NKAIN2: variants seen among roughly 807,000 people sequenced by gnomAD.
The protein encoded by NKAIN2 is sodium/potassium-transporting ATPase subunit beta-1-interacting protein 2.
NKAIN2 carries 14 observed loss-of-function variants against 32.6 expected under a neutral mutation model. The observed-to-expected ratio is 0.43, with a 90% CI of 0.28 to 0.67. The LOEUF is 0.67. Ranked by LOEUF, NKAIN2 falls within the 30% of genes least tolerant of loss-of-function variation. The probability of loss-of-function intolerance (pLI) is 0.17; values close to 1 mark genes in which losing one functional copy is unlikely to be tolerated. For missense variants in NKAIN2, 198 were observed against 258.3 expected, an observed-to-expected ratio of 0.77 and a Z score of 1.60; for synonymous variants, 80 against 87.2, an observed-to-expected ratio of 0.92 and a Z score of 0.46.
intron 3 of NKAIN2, among the ~76,000 whole-genome samples, chr6:124,388,324 C>T (rs1318441633): frequency 6.6e-6 from 1 of 151,078 alleles, no homozygotes; most frequent in Non-Finnish European, 1.5e-5. Flanking sequence ...AGGCTAGAAA[C>T]CTCTACGGTG....
intron 1 of NKAIN2, among the ~76,000 whole-genome samples, chr6:124,003,109 A>G (rs1779942948): frequency 6.6e-6 from 1 of 152,212 alleles, no homozygotes; most frequent in Non-Finnish European, 1.5e-5. Context: ...CTCTTTACAG[A>G]TACGATGTTT....
intron 4 of NKAIN2, among the ~76,000 whole-genome samples, chr6:124,749,646 G>A (rs1387550475): frequency 6.6e-6 from 1 of 151,730 alleles, no homozygotes; most frequent in Non-Finnish European, 1.5e-5. Flanking sequence ...TGTTCATCTG[G>A]TCCTTTGGAT....
At chr6:124,545,779 A>T (rs557549978) in intron 3 of NKAIN2, among the ~76,000 whole-genome samples, 1 of 152,178 alleles carries the variant, frequency 6.6e-6, no homozygotes, top group African/African-American at 2.4e-5. Flanking sequence ...AAATGATGGT[A>T]ATATAATTGG....
chr6:123,900,181 T>G (rs1402923431), intron 1 of NKAIN2, among the ~76,000 whole-genome samples: 1 of 152,038 alleles, frequency 6.6e-6, no homozygotes, highest in Non-Finnish European at 1.5e-5. Flanking sequence ...TCTTACACGA[T>G]GAAAAACAGG....
At chr6:123,948,159 C>T (rs142834022) in intron 1 of NKAIN2, among the ~76,000 whole-genome samples, 1,532 of 152,068 alleles carry the variant, frequency 0.01, 18 homozygotes, top group Middle Eastern at 0.017. Context: ...TTTCTTTATC[C>T]ATTTGTCTAT....
chr6:124,457,123 A>C (rs1045787738), intron 3 of NKAIN2, among the ~76,000 whole-genome samples: 14 of 151,946 alleles, frequency 9.2e-5, no homozygotes, highest in Non-Finnish European at 1.8e-4. Context: ...GTAGGGCTAC[A>C]TACTGGTTGG....
At chr6:124,734,347 C>A (rs565415502) in intron 4 of NKAIN2, among the ~76,000 whole-genome samples, 29 of 151,820 alleles carry the variant, frequency 1.9e-4, no homozygotes, top group Non-Finnish European at 3.8e-4. Flanking sequence ...GGACTGGGAT[C>A]TTGCCTTCAG....
chr6:124,078,786 T>TTG (rs71021477), intron 1 of NKAIN2, among the ~76,000 whole-genome samples: 11,718 of 144,646 alleles, frequency 0.081, 531 homozygotes, highest in East Asian at 0.23. Context: ...TATGTCGTTT[T>TTG]TGTGTGTGTG....
intron 1 of NKAIN2, among the ~76,000 whole-genome samples, chr6:124,186,725 G>A (rs1251159253): frequency 6.6e-6 from 1 of 152,040 alleles, no homozygotes; most frequent in Non-Finnish European, 1.5e-5. Flanking sequence ...AAATTAATAT[G>A]CCTACTGTGG....
At chr6:123,829,226 A>G (rs1002270258) in intron 1 of NKAIN2, 5 of 152,102 alleles carry the variant, frequency 3.3e-5, no homozygotes, top group Non-Finnish European at 5.9e-5. Context: ...GTCCATACTA[A>G]CATTTTTTTA....
At chr6:124,258,443 G>T (rs1372546487) in intron 1 of NKAIN2, among the ~76,000 whole-genome samples, 1 of 152,162 alleles carries the variant, frequency 6.6e-6, no homozygotes, top group Non-Finnish European at 1.5e-5. Flanking sequence ...CTTGTAAAAA[G>T]ATTTATTTTC....
At chr6:124,807,001 G>T (rs1189629763) in intron 5 of NKAIN2, among the ~76,000 whole-genome samples, 1 of 152,100 alleles carries the variant, frequency 6.6e-6, no homozygotes, top group Non-Finnish European at 1.5e-5. Context: ...AGTCCTGAGT[G>T]ACCTACAAAG....
intron 1 of NKAIN2, among the ~76,000 whole-genome samples, chr6:123,804,487 C>T (rs1773131960): frequency 6.6e-6 from 1 of 152,028 alleles, no homozygotes; most frequent in South Asian, 2.1e-4. Context: ...TTGGCAGGTG[C>T]GGGTTAAACT....
chr6:124,182,534 T>C (rs533825888), intron 1 of NKAIN2, among the ~76,000 whole-genome samples: 1 of 152,326 alleles, frequency 6.6e-6, no homozygotes, highest in East Asian at 1.9e-4. Flanking sequence ...GTTGGATTGA[T>C]TTTTTAATGC....
rs1773108325 is a variant in NKAIN2 at position 123,804,079 on chromosome 6, G to GCCCGGAGC, written c.-118_-111dup. ...TCCCAGGACGCTGGCAGCAGCAGCAGCCCGGAGCCCCCGAGCCCTCGGCAG... is the reference window on the plus strand; with the variant it reads ...TCCCAGGACGCTGGCAGCAGCAGCAGCCCGGAGCCCCGGAGCCCCCGAGCCCTCGGCAG... On this transcript the variant is annotated 5_prime_UTR_variant, in exon 1 of 7. It removes the in-frame stop codon of an upstream open reading frame in the 5' UTR. Transcript: ENST00000368417. 2.2e-6 allele frequency: 2 copies of GCCCGGAGC among 891,374 alleles called. No homozygotes were observed. Among genetic ancestry groups the GCCCGGAGC allele is most frequent in the East Asian group, 2.4e-5 (1 of 41,564 alleles). The allele number at this position is 891,374 out of a possible 1,614,324, so 55.2% of individuals were successfully genotyped here.
At chr6:124,032,749 T>A (rs182576636) in intron 1 of NKAIN2, among the ~76,000 whole-genome samples, 1 of 152,160 alleles carries the variant, frequency 6.6e-6, no homozygotes, top group Admixed American at 6.6e-5. Flanking sequence ...ATTAAAAAAA[T>A]TAAAAATAGA....
chr6:124,125,543 C>A (rs1026201370), intron 1 of NKAIN2, among the ~76,000 whole-genome samples: 6 of 152,126 alleles, frequency 3.9e-5, no homozygotes, highest in African/African-American at 1.4e-4. Context: ...CCAGAGCCAT[C>A]CTTTTAATAT....
chr6:124,324,554 T>C (rs57671893), intron 2 of NKAIN2, among the ~76,000 whole-genome samples: 8,425 of 152,178 alleles, frequency 0.055, 763 homozygotes, highest in African/African-American at 0.19. Context: ...TGATCTGTCT[T>C]TTAATTACTT....
intron 1 of NKAIN2, among the ~76,000 whole-genome samples, chr6:123,833,895 T>C (rs1327178868): frequency 6.6e-6 from 1 of 151,756 alleles, no homozygotes; most frequent in African/African-American, 2.4e-5. Context: ...GCCTGGCTAC[T>C]TTTTGTATTT....
Sources: gnomAD v4.1 joint callset for allele counts (sites outside exome capture counted in the v4.1 genomes callset) on GRCh38, gnomAD v4.1.1 for gene constraint, MANE v1.5 for transcripts, NCBI Gene and HGNC (gene_info 2026-07-23, HGNC 2026-07-21) for gene names.